The following HEY2 variants were observed in gnomAD, a reference collection of about 807,000 sequenced individuals.
The protein encoded by HEY2 is hes related family bHLH transcription factor with YRPW motif 2.
In HEY2, 10 loss-of-function variants were observed where a neutral mutation model predicts 18.1. The ratio of observed to expected loss-of-function variants is 0.55; its 90% CI spans 0.34 to 0.94. The LOEUF is 0.94. Ranked by LOEUF, HEY2 falls within the 40% of genes least tolerant of loss-of-function variation. The pLI is 0.02. For synonymous variants in HEY2, 210 were observed against 182.7 expected (o/e 1.15, Z -1.21); for missense variants, 455 against 455.9 (o/e 1.00, Z 0.02).
In HEY2 at chr6:125,749,822, G is replaced by A. The variant is rs866184545; in HGVS notation, c.46G>A (p.Glu16Lys). Residue 16 changes from glutamate to lysine, a missense_variant, in exon 1 of 5, where the codon GAG (glutamate) becomes AAG (lysine). Physicochemically the swap from Glu to Lys is moderately conservative, Grantham distance 56 (BLOSUM62 1). Transcript: ENST00000368364. ...GACGACCTCCGAGAGCGACATGGAC[G>A]AGACCATCGACGTGGGGAGCGAGAA... is the stretch of plus-strand genomic sequence containing the variant. The part of the protein sequence containing the change: ...EETTSESDMD[E>K]TIDVGSENNY... The A allele has an allele frequency of 1.3e-6, 2 of 1,586,280 alleles. No individual in the cohort carries two copies. The highest frequency in any genetic ancestry group is 1.7e-6 in the Non-Finnish European group (2 of 1,166,848).
At chr6:125,752,132 A>T (rs772377585) in intron 3 of HEY2, 42 bp downstream of exon 3, 3 of 765,898 alleles carry the variant, frequency 3.9e-6, no homozygotes, top group African/African-American at 7.0e-5. Flanking sequence ...CCACCCCGCC[A>T]CCCCCCAAAA....
At chr6:125,750,416 T>A in intron 1 of HEY2, 1 of 984,902 alleles carries the variant, frequency 1.0e-6, no homozygotes, top group Non-Finnish European at 1.2e-6. Flanking sequence ...TTTCTTTGAC[T>A]GCTTGTTCTC....
At chr6:125,757,160 GAA>G (rs1212458635) in intron 4 of HEY2, among the ~76,000 whole-genome samples, 1 of 152,140 alleles carries the variant, frequency 6.6e-6, no homozygotes, top group Non-Finnish European at 1.5e-5. Flanking sequence ...GGATTTAGTA[GAA>G]TAACCTAAGT....
At position 125,759,519 on chromosome 6, in the gene HEY2, G is replaced by C. The variant is rs1773746181; in HGVS notation, c.731G>C (p.Gly244Ala). The stretch of plus-strand genomic sequence containing the variant: ...TCAGCCCTCCGAATGCCATCCACGG[G>C]CAGCGTCGCCCCCTGCGTGCCACCT... ...ADSALRMPST[G>A]SVAPCVPPLS... The change falls in exon 5 of 5, where the codon GGC becomes GCC. Residue 244 changes from glycine to alanine, a missense_variant. Gly to Ala is a moderately conservative substitution (Grantham distance 60). Transcript: ENST00000368364. 1.2e-6 allele frequency: 2 copies of C among 1,611,018 alleles called. No individual in the cohort carries two copies. The highest frequency in any genetic ancestry group is 1.7e-6 in the Non-Finnish European group (2 of 1,179,962).
chr6:125,756,218 G>A (rs530834763), intron 4 of HEY2, among the ~76,000 whole-genome samples: 10 of 152,224 alleles, frequency 6.6e-5, no homozygotes, highest in Middle Eastern at 6.8e-3. Flanking sequence ...CTCCATACAC[G>A]TCACCTGACT....
rs866184545 is a variant in HEY2 at position 125,749,822 on chromosome 6, G to T, written c.46G>T (p.Glu16Ter). Reference protein sequence around the residue: ...EETTSESDMDETIDVGSENNY... With the variant: ...EETTSESDMD Reference sequence around the variant, plus strand: ...GACGACCTCCGAGAGCGACATGGACGAGACCATCGACGTGGGGAGCGAGAA... The same window carrying T: ...GACGACCTCCGAGAGCGACATGGACTAGACCATCGACGTGGGGAGCGAGAA... Residue 16 changes from glutamate to a stop codon, truncating the protein, a stop_gained, in exon 1 of 5, where the codon GAG (glutamate) becomes TAG (stop). Coordinates refer to ENST00000368364, the MANE Select transcript of HEY2 (RefSeq NM_012259.3). LOFTEE classifies it high-confidence loss of function. The T allele has an allele frequency of 6.3e-7, 1 of 1,586,280 alleles. No individual in the cohort carries two copies.
chr6:125,749,672 G>C lies in HEY2; in HGVS notation c.-105G>C. On this transcript the variant is annotated 5_prime_UTR_variant, in exon 1 of 5. Coordinates refer to ENST00000368364, the MANE Select transcript of HEY2 (RefSeq NM_012259.3). Reference sequence around the variant, plus strand: ...AGCAGACCGCGCCGCCGCCGGAGCCGCGCCTGCCCAGGCCCGGGGAGGGAG... The same window carrying C: ...AGCAGACCGCGCCGCCGCCGGAGCCCCGCCTGCCCAGGCCCGGGGAGGGAG... The C allele has an allele frequency of 2.9e-6, 2 of 688,120 alleles. No individual in the cohort carries two copies. The highest frequency in any genetic ancestry group is 1.9e-5 in the African/African-American group (1 of 52,154). 42.6% of individuals were successfully genotyped at this position (688,120 alleles called of 1,614,324 possible).
intron 4 of HEY2, among the ~76,000 whole-genome samples, chr6:125,758,765 A>G (rs1039210737): frequency 6.6e-6 from 1 of 152,206 alleles, no homozygotes; most frequent in African/African-American, 2.4e-5. Context: ...GAATTTCACT[A>G]TCCCACAATA....
At chr6:125,753,670 A>G (rs527239404) in intron 3 of HEY2, among the ~76,000 whole-genome samples, 5 of 152,310 alleles carry the variant, frequency 3.3e-5, no homozygotes, top group East Asian at 1.9e-4. Flanking sequence ...TTGTATTTCA[A>G]TTGGTTACCA....
chr6:125,757,098 C>A (rs1773676438), intron 4 of HEY2, among the ~76,000 whole-genome samples: 1 of 152,186 alleles, frequency 6.6e-6, no homozygotes, highest in African/African-American at 2.4e-5. Context: ...GGCTCCAATT[C>A]TGTTAGTTCA....
At chr6:125,757,053 C>T (rs761879982) in intron 4 of HEY2, among the ~76,000 whole-genome samples, 4 of 152,216 alleles carry the variant, frequency 2.6e-5, no homozygotes, top group Non-Finnish European at 4.4e-5. Context: ...TCAATTACTT[C>T]ATGACCAGTA....
intron 3 of HEY2, among the ~76,000 whole-genome samples, chr6:125,753,783 G>C (rs1773597404): frequency 6.6e-6 from 1 of 152,134 alleles, no homozygotes. Flanking sequence ...CATTTATGAT[G>C]CTTCCTAGGT....
Position 125,752,071 on chromosome 6 carries a change from C to T in HEY2, c.227C>T (p.Pro76Leu). The change falls in exon 3 of 5, where the codon CCA becomes CTA. Residue 76 changes from proline to leucine, a missense_variant. Pro to Leu is a moderately conservative substitution (Grantham distance 98). Transcript: ENST00000368364. ...TTATCTGAGTTGAGAAGACTTGTGC[C>T]AACTGCTTTTGAAAAACAAGTAAGC... Reference protein sequence around the residue: ...NSLSELRRLVPTAFEKQGSAK... With the variant: ...NSLSELRRLVLTAFEKQGSAK... 1.2e-6 allele frequency: 2 copies of T among 1,612,974 alleles called. No homozygotes were observed. Among genetic ancestry groups the T allele is most frequent in the Non-Finnish European group, 1.7e-6 (2 of 1,179,114 alleles).
intron 4 of HEY2, among the ~76,000 whole-genome samples, chr6:125,758,303 T>C (rs1228522806): frequency 2.0e-5 from 3 of 152,206 alleles, no homozygotes; most frequent in East Asian, 1.9e-4. Context: ...TGCATGCATA[T>C]ACACTGACAA....
chr6:125,759,785 G>A lies in HEY2; in HGVS notation c.997G>A (p.Glu333Lys). Residue 333 changes from glutamate (E) to lysine (K), a missense_variant, in exon 5 of 5, where the codon GAA (glutamate) becomes AAA (lysine). Glu to Lys is a moderately conservative substitution (Grantham distance 56, BLOSUM62 1). Coordinates refer to ENST00000368364, the MANE Select transcript of HEY2 (RefSeq NM_012259.3). ...NNKPYRPWGT[E>K]VGAF ...TAAACCTTACCGACCCTGGGGGACA[G>A]AAGTTGGAGCTTTTTAAATTTTTCT... The A allele has an allele frequency of 6.2e-7, 1 of 1,613,776 alleles. No individual in the cohort carries two copies. Among genetic ancestry groups the A allele is most frequent in the Non-Finnish European group, 8.5e-7 (1 of 1,179,966 alleles).
At chr6:125,756,453 G>A (rs1044052477) in intron 4 of HEY2, among the ~76,000 whole-genome samples, 1 of 152,134 alleles carries the variant, frequency 6.6e-6, no homozygotes, top group Non-Finnish European at 1.5e-5. Flanking sequence ...TGTAATCCCA[G>A]CTACTCAGGA....
rs1773546441 is a variant in HEY2, at chr6:125,751,742, C to T, written c.84-59C>T. On this transcript the variant is annotated intron_variant, in intron 1 of 4. Coordinates refer to ENST00000368364, the MANE Select transcript of HEY2 (RefSeq NM_012259.3). ...GAATATTTAATGGGTGCCACAAGTA[C>T]CCAGAAGAAACTATTGTTATGTTAA... is the stretch of plus-strand genomic sequence containing the variant. The T allele has an allele frequency of 3.6e-6, 4 of 1,120,292 alleles. No homozygotes were observed. The East Asian group carries it at 9.4e-5, about 26-fold the overall frequency. The allele number at this position is 1,120,292 out of a possible 1,614,324, so 69.4% of individuals were successfully genotyped here.
At position 125,759,399 on chromosome 6, in the gene HEY2, C is replaced by G. The variant is rs1177812328; in HGVS notation, c.611C>G (p.Ala204Gly). The change falls in exon 5 of 5, where the codon GCC becomes GGC. Residue 204 changes from alanine (A) to glycine (G), a missense_variant. Transcript: ENST00000368364. ...AALLQPNGLH[A>G]SESTPCRLST... The stretch of plus-strand genomic sequence containing the variant: ...CTGCTCCAGCCCAACGGCCTCCATG[C>G]CTCAGAGTCAACCCCTTGTCGCCTC... 6.2e-7 allele frequency: 1 copy of G among 1,610,104 alleles called. No homozygotes were observed. Among genetic ancestry groups the G allele is most frequent in the Non-Finnish European group, 8.5e-7 (1 of 1,179,060 alleles).
intron 1 of HEY2, 137 bp downstream of exon 1, chr6:125,749,996 T>C: frequency 1.2e-6 from 1 of 817,060 alleles, no homozygotes; most frequent in Non-Finnish European, 2.0e-6. Flanking sequence ...TGAGAAAGTT[T>C]GAGTGGTGGG....
Sources: allele counts gnomAD v4.1 joint callset (sites outside exome capture counted in the v4.1 genomes callset), GRCh38; gene constraint gnomAD v4.1.1; transcripts MANE v1.5; gene names NCBI Gene and HGNC (gene_info 2026-07-23, HGNC 2026-07-21).